Variants in LYPD6 observed in about 807,000 individuals in gnomAD.
LYPD6 encodes LY6/PLAUR domain containing 6.
In LYPD6, 15 loss-of-function variants were observed where a neutral mutation model predicts 22.7. That is an observed-to-expected ratio of 0.66 (90% CI 0.44 to 1.02). The LOEUF (loss-of-function observed/expected upper bound fraction) is 1.02, where lower values mean the gene tolerates loss of function less well. LYPD6 is among the 50% of genes least tolerant of loss of function. LYPD6 has a pLI of 0.00. For synonymous variants in LYPD6, 72 were observed against 77.5 expected (o/e 0.93, Z 0.37); for missense variants, 189 against 208.4 (o/e 0.91, Z 0.57).
At chr2:149,480,617 A>G in the LYPD6 span, among the ~76,000 whole-genome samples, 1 of 151,874 alleles carries the variant, frequency 6.6e-6, no homozygotes, top group African/African-American at 2.4e-5. Flanking sequence ...CTCTCCTTCT[A>G]GCTCTAAGTT....
intron 1 of LYPD6, among the ~76,000 whole-genome samples, chr2:149,409,646 A>G (rs950791240): frequency 9.2e-5 from 14 of 151,966 alleles, no homozygotes; most frequent in Non-Finnish European, 1.9e-4. Flanking sequence ...GGTTGGGAGT[A>G]TGGTTCCCAG....
chr2:149,363,755 A>G (rs1681611866), intron 1 of LYPD6, among the ~76,000 whole-genome samples: 2 of 152,336 alleles, frequency 1.3e-5, no homozygotes, highest in South Asian at 2.1e-4. Context: ...GGCACTACAC[A>G]TATGCTATTT....
chr2:149,365,129 A>G lies in LYPD6; in HGVS notation c.-72+34407A>G, dbSNP rs573625356. ...TAACACTCTTGAACCACTAATTCAC[A>G]GTAGTGTCACTTCTAGGCTTATTAA... is the stretch of plus-strand genomic sequence containing the variant. On this transcript the variant is annotated intron_variant, in intron 1 of 4. Coordinates refer to ENST00000334166, the MANE Select transcript of LYPD6 (RefSeq NM_194317.5). Among the ~76,000 whole-genome samples, 21 of 152,320 alleles carry G rather than the reference A, an allele frequency of 1.4e-4. No individual in the cohort carries two copies. The East Asian group carries it at 3.9e-3, about 28-fold the overall frequency.
chr2:149,446,144 A>G (rs1373350890), intron 2 of LYPD6, among the ~76,000 whole-genome samples: 2 of 152,184 alleles, frequency 1.3e-5, no homozygotes, highest in African/African-American at 2.4e-5. Context: ...GTCAAAACAT[A>G]CACATTTATT....
intron 1 of LYPD6, among the ~76,000 whole-genome samples, chr2:149,336,051 T>C (rs576273966): frequency 2.7e-4 from 41 of 152,220 alleles, no homozygotes; most frequent in Admixed American, 7.2e-4. Context: ...TATATTTTAA[T>C]GTTTCAGAAA....
intron 1 of LYPD6, among the ~76,000 whole-genome samples, chr2:149,338,689 G>T (rs939134121): frequency 3.9e-5 from 6 of 152,092 alleles, no homozygotes; most frequent in Non-Finnish European, 8.8e-5. Flanking sequence ...ATAAAATTCT[G>T]TTATTTATAA....
intron 1 of LYPD6, among the ~76,000 whole-genome samples, chr2:149,387,468 C>T (rs1418972543): frequency 1.3e-5 from 2 of 152,156 alleles, no homozygotes; most frequent in Non-Finnish European, 2.9e-5. Flanking sequence ...TTCACTGGTT[C>T]ATTTTTCATT....
chr2:149,470,402 C>A (rs998543093), intron 4 of LYPD6, among the ~76,000 whole-genome samples: 1 of 152,032 alleles, frequency 6.6e-6, no homozygotes, highest in Admixed American at 6.6e-5. Context: ...GAACTGAGGC[C>A]CAGGAAGGCT....
chr2:149,383,327 T>G (rs974856122), intron 1 of LYPD6, among the ~76,000 whole-genome samples: 1 of 152,214 alleles, frequency 6.6e-6, no homozygotes, highest in Admixed American at 6.5e-5. Flanking sequence ...CTTACTAGGA[T>G]AAACTTAACC....
chr2:149,387,002 C>T (rs1406228770), intron 1 of LYPD6, among the ~76,000 whole-genome samples: 13 of 152,178 alleles, frequency 8.5e-5, no homozygotes, highest in Admixed American at 8.5e-4. Context: ...CCCAACATGA[C>T]CCACAGGAAT....
At chr2:149,360,722 A>G (rs771645086) in intron 1 of LYPD6, among the ~76,000 whole-genome samples, 8 of 152,096 alleles carry the variant, frequency 5.3e-5, no homozygotes, top group Admixed American at 1.3e-4. Context: ...ATAAATCTCA[A>G]TGATGGGTTC....
chr2:149,461,664 GGCAAATAGAATGTA>G (rs1681090233), intron 3 of LYPD6, among the ~76,000 whole-genome samples: 1 of 151,720 alleles, frequency 6.6e-6, no homozygotes, highest in Non-Finnish European at 1.5e-5. Context: ...ACAAAATATT[GGCAAATAGAATGTA>G]GCAATATATG....
At chr2:149,409,290 C>A (rs1222585455) in intron 1 of LYPD6, among the ~76,000 whole-genome samples, 1 of 152,168 alleles carries the variant, frequency 6.6e-6, no homozygotes, top group Non-Finnish European at 1.5e-5. Flanking sequence ...GATACCAGCA[C>A]CTGCTCTGGT....
At chr2:149,366,382 T>C (rs1041427220) in intron 1 of LYPD6, among the ~76,000 whole-genome samples, 1 of 152,222 alleles carries the variant, frequency 6.6e-6, no homozygotes, top group African/African-American at 2.4e-5. Context: ...CATGCTGGGC[T>C]TGACTGGTTG....
At chr2:149,408,303 T>C (rs1682771573) in intron 1 of LYPD6, among the ~76,000 whole-genome samples, 1 of 152,186 alleles carries the variant, frequency 6.6e-6, no homozygotes, top group South Asian at 2.1e-4. Context: ...TTTTTCTTTA[T>C]AGGTTACCTG....
In LYPD6 at chr2:149,366,078, T is replaced by TG. The variant is rs1388370271; in HGVS notation, c.-72+35357dup. Among the ~76,000 whole-genome samples, 6 of 152,350 alleles carry TG rather than the reference T, an allele frequency of 3.9e-5. No homozygotes were observed. In the East Asian group the frequency reaches 1.2e-3, roughly 29 times the overall value. On this transcript the variant is annotated intron_variant, in intron 1 of 4. Transcript: ENST00000334166. ...GTGTGGGTGGCTAATTATTCAAACT[T>TG]GCATTCTGTATGATTAAACCACATG...
At chr2:149,485,446 T>C in the LYPD6 span, among the ~76,000 whole-genome samples, 1 of 152,186 alleles carries the variant, frequency 6.6e-6, no homozygotes, top group African/African-American at 2.4e-5. Context: ...AGGACAGTGA[T>C]GTGGAATGCT....
At chr2:149,347,194 G>C (rs987738594) in intron 1 of LYPD6, among the ~76,000 whole-genome samples, 2 of 151,918 alleles carry the variant, frequency 1.3e-5, no homozygotes, top group Non-Finnish European at 2.9e-5. Context: ...GGAGGTGGAG[G>C]AAGAAGAGAG....
At chr2:149,392,114 G>A (rs1682323443) in intron 1 of LYPD6, among the ~76,000 whole-genome samples, 1 of 152,224 alleles carries the variant, frequency 6.6e-6, no homozygotes, top group African/African-American at 2.4e-5. Context: ...CATGGGGATG[G>A]GGTGGTTAGG....
Sources: allele counts gnomAD v4.1 joint callset (sites outside exome capture counted in the v4.1 genomes callset), GRCh38; gene constraint gnomAD v4.1.1; transcripts MANE v1.5; gene names NCBI Gene and HGNC (gene_info 2026-07-23, HGNC 2026-07-21).